ZNF618: variants seen among roughly 807,000 people sequenced by gnomAD.
The protein encoded by ZNF618 is neural precursor cell expressed, developmentally down-regulated 10.
Under a neutral mutation model 103.0 loss-of-function variants are expected in ZNF618, and 34 were observed. The ratio of observed to expected loss-of-function variants is 0.33; its 90% CI spans 0.25 to 0.44. The LOEUF is 0.44. Among genes scored for constraint, ZNF618 ranks in the 20% least tolerant of loss-of-function variants. ZNF618 has a pLI of 1.00. For missense variants in ZNF618, 1,059 were observed against 1,295.4 expected (o/e 0.82, Z 2.80); for synonymous variants, 551 against 542.2 (o/e 1.02, Z -0.23).
At chr9:113,987,134 G>T (rs1475360918) in intron 2 of ZNF618, among the ~76,000 whole-genome samples, 4 of 152,182 alleles carry the variant, frequency 2.6e-5, no homozygotes, top group Non-Finnish European at 4.4e-5. Flanking sequence ...CCTGGAACAT[G>T]ACTCGATTTC....
intron 1 of ZNF618, among the ~76,000 whole-genome samples, chr9:113,943,008 A>C (rs1432561438): frequency 6.6e-6 from 1 of 152,156 alleles, no homozygotes; most frequent in African/African-American, 2.4e-5. Context: ...TGGTTTCATC[A>C]AGTTGAGGAT....
chr9:114,032,613 T>G, intron 11 of ZNF618, 32 bp from the exon 12 acceptor site: 2 of 1,608,410 alleles, frequency 1.2e-6, no homozygotes, highest in Non-Finnish European at 1.7e-6. Flanking sequence ...CAATCACCAT[T>G]GTTTTCTTTC....
chr9:113,879,800 T>C (rs1828341632), intron 1 of ZNF618, among the ~76,000 whole-genome samples: 1 of 151,782 alleles, frequency 6.6e-6, no homozygotes. Flanking sequence ...TTTTTTTTAA[T>C]TTTTTCTAAC....
chr9:113,922,341 C>T (rs942375385), intron 1 of ZNF618, among the ~76,000 whole-genome samples: 6 of 152,004 alleles, frequency 3.9e-5, no homozygotes, highest in African/African-American at 1.2e-4. Flanking sequence ...GAGGGCTGGA[C>T]GGGGCAGAGG....
Position 113,897,783 on chromosome 9 carries a change from T to TTTTTG in ZNF618, c.33+21391_33+21395dup, listed in dbSNP as rs910181284. On this transcript the variant is annotated intron_variant, in intron 1 of 14. Transcript: ENST00000374126. ...TACTGCTTTGGATACTGGATTTCGT[T>TTTTTG]TTTTGTTTTGTTTTGTTTTGTTTTG... Among the ~76,000 whole-genome samples, 27 of 152,266 alleles carry TTTTTG rather than the reference T, an allele frequency of 1.8e-4. 1 individual carries two copies. The highest frequency in any genetic ancestry group is 5.3e-4 in the African/African-American group (22 of 41,544).
chr9:113,885,905 T>C (rs534704996), intron 1 of ZNF618, among the ~76,000 whole-genome samples: 2 of 152,338 alleles, frequency 1.3e-5, no homozygotes, highest in Non-Finnish European at 2.9e-5. Flanking sequence ...AATGAGGCTT[T>C]CTATATAAGC....
intron 1 of ZNF618, among the ~76,000 whole-genome samples, chr9:113,947,822 T>C (rs1835186075): frequency 6.6e-6 from 1 of 152,220 alleles, no homozygotes; most frequent in African/African-American, 2.4e-5. Context: ...TTGTGTTTTA[T>C]TGGAAATAAA....
intron 1 of ZNF618, among the ~76,000 whole-genome samples, chr9:113,926,067 C>T (rs1266884089): frequency 6.6e-6 from 1 of 151,944 alleles, no homozygotes; most frequent in African/African-American, 2.4e-5. Context: ...CTTCTGGCAA[C>T]AAATTCCCTC....
At chr9:113,998,059 C>T (rs1197459816) in intron 3 of ZNF618, among the ~76,000 whole-genome samples, 200 bp from the exon 4 acceptor site, 1 of 152,258 alleles carries the variant, frequency 6.6e-6, no homozygotes, top group Non-Finnish European at 1.5e-5. Context: ...GCTGTTGACC[C>T]ATGGCTGCTG....
At chr9:114,019,253 A>G (rs960986987) in intron 10 of ZNF618, among the ~76,000 whole-genome samples, 3 of 152,046 alleles carry the variant, frequency 2.0e-5, no homozygotes, top group African/African-American at 7.3e-5. Flanking sequence ...TTTACCTGTT[A>G]ATTTGGGTTG....
chr9:113,997,873 C>T lies in ZNF618; in HGVS notation c.338-386C>T, dbSNP rs756412309. ...GTCCCCAAGAAGGCCCTCCTTGCACCACTGCATCAGTCTGGGTCTGTGGTG... is the reference window on the plus strand; with the variant it reads ...GTCCCCAAGAAGGCCCTCCTTGCACTACTGCATCAGTCTGGGTCTGTGGTG... On this transcript the variant is annotated intron_variant, in intron 3 of 14. Transcript: ENST00000374126. Among the ~76,000 whole-genome samples the T allele has an allele frequency of 7.2e-5, 11 of 152,288 alleles. No homozygotes were observed. The South Asian group carries it at 8.3e-4, about 11-fold the overall frequency.
chr9:113,909,624 C>T (rs142347911), intron 1 of ZNF618, among the ~76,000 whole-genome samples: 4 of 152,190 alleles, frequency 2.6e-5, no homozygotes, highest in African/African-American at 7.2e-5. Flanking sequence ...AAGGTGCCAC[C>T]GTCTCAGGGC....
intron 1 of ZNF618, among the ~76,000 whole-genome samples, chr9:113,951,458 T>TATATATACACATAC (rs1554732920): frequency 1.8e-5 from 1 of 54,660 alleles, no homozygotes; most frequent in Non-Finnish European, 4.0e-5. Flanking sequence ...TGTGTATATA[T>TATATATACACATAC]ACATATATGT....
chr9:113,941,586 G>T (rs1435819117), intron 1 of ZNF618, among the ~76,000 whole-genome samples: 4 of 152,138 alleles, frequency 2.6e-5, no homozygotes, highest in African/African-American at 9.7e-5. Context: ...TCTAGATCCA[G>T]AGTCCCCTTT....
intron 1 of ZNF618, among the ~76,000 whole-genome samples, chr9:113,957,789 A>T (rs1275774255): frequency 6.9e-6 from 1 of 145,810 alleles, no homozygotes; most frequent in African/African-American, 2.5e-5. Context: ...TTTTCTCTCC[A>T]TGAAGCAAAA....
intron 1 of ZNF618, among the ~76,000 whole-genome samples, chr9:113,951,559 G>GTATATATGTACACATA (rs1242686867): frequency 8.3e-5 from 3 of 36,068 alleles, no homozygotes; most frequent in Non-Finnish European, 1.3e-4. Flanking sequence ...ATATGTGTGT[G>GTATATATGTACACATA]TATATGTGTG....
rs559236269 is a variant in ZNF618 at position 113,904,233 on chromosome 9, C to A, written c.33+27820C>A. 2.7e-5 allele frequency among the ~76,000 whole-genome samples: 4 copies of A among 147,096 alleles called. No homozygotes were observed. In the South Asian group the frequency reaches 6.4e-4, roughly 24 times the overall value. ...ATACTACCCAGTGTATTTTTTTAATCCCAGGCATTGTATTTTTCATCTCTA... is the reference window on the plus strand; with the variant it reads ...ATACTACCCAGTGTATTTTTTTAATACCAGGCATTGTATTTTTCATCTCTA... On this transcript the variant is annotated intron_variant, in intron 1 of 14. Coordinates refer to ENST00000374126, the MANE Select transcript of ZNF618 (RefSeq NM_001318042.2).
chr9:113,938,817 A>G (rs911856765), intron 1 of ZNF618, among the ~76,000 whole-genome samples: 1 of 151,616 alleles, frequency 6.6e-6, no homozygotes, highest in African/African-American at 2.4e-5. Flanking sequence ...TGATTCAGCC[A>G]CCTCAGCCTC....
At chr9:113,982,739 C>T (rs571606490) in intron 2 of ZNF618, among the ~76,000 whole-genome samples, 1 of 152,258 alleles carries the variant, frequency 6.6e-6, no homozygotes, top group South Asian at 2.1e-4. Flanking sequence ...TCAACACTAC[C>T]ATCCCCATTC....
Sources: gnomAD v4.1 joint callset for allele counts (sites outside exome capture counted in the v4.1 genomes callset) on GRCh38, gnomAD v4.1.1 for gene constraint, MANE v1.5 for transcripts, NCBI Gene and HGNC (gene_info 2026-07-23, HGNC 2026-07-21) for gene names.